CDH4: variants seen among roughly 807,000 people sequenced by gnomAD.
The protein encoded by CDH4 is cadherin 4.
Under a neutral mutation model 86.0 loss-of-function variants are expected in CDH4, and 33 were observed. The ratio of observed to expected loss-of-function variants is 0.38; its 90% CI spans 0.29 to 0.51. The LOEUF is 0.51. Among genes scored for constraint, CDH4 ranks in the 20% least tolerant of loss-of-function variants. The pLI, the probability that CDH4 is intolerant of heterozygous loss-of-function variation, is 0.86. For synonymous variants in CDH4, 555 were observed against 549.4 expected, an observed-to-expected ratio of 1.01 and a Z score of -0.14; for missense variants, 1,114 against 1,307.4, an observed-to-expected ratio of 0.85 and a Z score of 2.28.
At chr20:61,791,872 G>A (rs773789989) in intron 4 of CDH4, among the ~76,000 whole-genome samples, 1 of 152,084 alleles carries the variant, frequency 6.6e-6, no homozygotes, top group Non-Finnish European at 1.5e-5. Flanking sequence ...AGGTCTGTGC[G>A]GTGAAAATAT....
intron 2 of CDH4, among the ~76,000 whole-genome samples, chr20:61,585,478 C>T (rs73138622): frequency 0.027 from 4,116 of 152,292 alleles, 74 homozygotes; most frequent in Middle Eastern, 0.075. Context: ...TATTTTGTGC[C>T]ATTTCTGTCT....
chr20:61,682,417 TGGAA>T (rs915949185), intron 2 of CDH4, among the ~76,000 whole-genome samples: 1 of 96,878 alleles, frequency 1.0e-5, no homozygotes, highest in Non-Finnish European at 1.9e-5. Flanking sequence ...GAGGGACAGA[TGGAA>T]GGATGGATGG....
Position 61,272,084 on chromosome 20 carries a change from GAAGCCCCAAGAAGAGTTTTTTCA to G in CDH4, c.169+17148_169+17170del, listed in dbSNP as rs1231357996. Among the ~76,000 whole-genome samples, 3 of 152,272 alleles carry G rather than the reference GAAGCCCCAAGAAGAGTTTTTTCA, an allele frequency of 2.0e-5. No individual in the cohort carries two copies. The East Asian group carries it at 5.8e-4, about 29-fold the overall frequency. On this transcript the variant is annotated intron_variant, in intron 2 of 15. Transcript: ENST00000614565. ...AATGGCTTTTCCTCCTTTTACAAAA[GAAGCCCCAAGAAGAGTTTTTTCA>G]TGCCAGGCCTCCTCCTCCTCCTCTT...
Position 61,377,304 on chromosome 20 carries a change from C to T in CDH4, c.169+122367C>T, listed in dbSNP as rs1417544184. Reference sequence around the variant, plus strand: ...ACAGCATCATTTAGGTGACACAGCCCGGGACTCCTGGGCCCTGACGAATCC... The same window carrying T: ...ACAGCATCATTTAGGTGACACAGCCTGGGACTCCTGGGCCCTGACGAATCC... On this transcript the variant is annotated intron_variant, in intron 2 of 15. Transcript: ENST00000614565. This position sits in a 1 kb window ranked among gnomAD's most constrained non-coding sequence, Gnocchi z 4.0. 5.3e-5 allele frequency among the ~76,000 whole-genome samples: 8 copies of T among 152,134 alleles called. No homozygotes were observed. The highest frequency in any genetic ancestry group is 4.8e-5 in the African/African-American group (2 of 41,424).
At chr20:61,500,523 ACT>A (rs1358984980) in intron 2 of CDH4, among the ~76,000 whole-genome samples, 1 of 152,098 alleles carries the variant, frequency 6.6e-6, no homozygotes, top group Non-Finnish European at 1.5e-5. Context: ...CTGCAAAGAG[ACT>A]TGAGTAACCA....
At chr20:61,545,079 G>T (rs1004749150) in intron 2 of CDH4, among the ~76,000 whole-genome samples, 2 of 152,148 alleles carry the variant, frequency 1.3e-5, no homozygotes, top group Admixed American at 6.5e-5. Flanking sequence ...GGTCTGACGC[G>T]GAGACAGTGT....
intron 2 of CDH4, among the ~76,000 whole-genome samples, chr20:61,422,794 G>A (rs901528966): frequency 2.0e-5 from 3 of 152,180 alleles, no homozygotes; most frequent in Admixed American, 6.5e-5. Flanking sequence ...TCCTGGGCAT[G>A]TGGGTGTGTC....
intron 2 of CDH4, among the ~76,000 whole-genome samples, chr20:61,307,331 C>T (rs1372495467): frequency 6.6e-6 from 1 of 151,602 alleles, no homozygotes; most frequent in Non-Finnish European, 1.5e-5. Flanking sequence ...TCCAACACGC[C>T]TTGCATGTAT....
chr20:61,782,290 C>CA (rs1300441797), intron 4 of CDH4, among the ~76,000 whole-genome samples: 3 of 152,100 alleles, frequency 2.0e-5, no homozygotes, highest in Admixed American at 6.5e-5. Context: ...GCCTGGGTGA[C>CA]AGAGTGATAC....
chr20:61,756,735 G>T (rs1364658477), intron 3 of CDH4, among the ~76,000 whole-genome samples: 3 of 152,132 alleles, frequency 2.0e-5, no homozygotes, highest in Non-Finnish European at 2.9e-5. Flanking sequence ...TGGCTGGCCA[G>T]TTTCTGATCT....
At chr20:61,479,838 A>G (rs562375513) in intron 2 of CDH4, among the ~76,000 whole-genome samples, 28 of 152,242 alleles carry the variant, frequency 1.8e-4, no homozygotes, top group African/African-American at 6.3e-4. Context: ...GTAACAGGCT[A>G]CTCAGGGTCG....
intron 3 of CDH4, among the ~76,000 whole-genome samples, chr20:61,748,167 C>T (rs1470000236): frequency 6.6e-6 from 1 of 152,190 alleles, no homozygotes; most frequent in Non-Finnish European, 1.5e-5. Context: ...GAGTCTCGCT[C>T]TGTTGCCCAG....
chr20:61,463,479 A>G (rs2085456237), intron 2 of CDH4, among the ~76,000 whole-genome samples: 1 of 152,242 alleles, frequency 6.6e-6, no homozygotes, highest in African/African-American at 2.4e-5. Context: ...CAGCCTCAGG[A>G]GTGGACTCAG....
chr20:61,312,002 G>A (rs1176540069), intron 2 of CDH4, among the ~76,000 whole-genome samples: 1 of 152,198 alleles, frequency 6.6e-6, no homozygotes, highest in East Asian at 1.9e-4. Flanking sequence ...TGTAATGTGT[G>A]CATGTGTTGT....
At chr20:61,454,148 C>T (rs1378527294) in intron 2 of CDH4, among the ~76,000 whole-genome samples, 2 of 152,186 alleles carry the variant, frequency 1.3e-5, no homozygotes, top group African/African-American at 2.4e-5. Flanking sequence ...GATGAAATTC[C>T]GCAGCATGAG....
intron 3 of CDH4, among the ~76,000 whole-genome samples, chr20:61,772,306 A>G (rs2088784311): frequency 6.6e-6 from 1 of 152,034 alleles, no homozygotes; most frequent in Non-Finnish European, 1.5e-5. Flanking sequence ...GCCTCCACCC[A>G]CTGACTCACT....
chr20:61,843,093 G>A (rs1006076196), intron 4 of CDH4, among the ~76,000 whole-genome samples: 8 of 152,148 alleles, frequency 5.3e-5, no homozygotes, highest in African/African-American at 1.7e-4. Context: ...TAGTAAGGCC[G>A]AATGCGGTAG....
chr20:61,719,738 T>C (rs918055688), intron 2 of CDH4: 3 of 152,498 alleles, frequency 2.0e-5, no homozygotes, highest in African/African-American at 7.2e-5. Flanking sequence ...GTTAATATCA[T>C]ACGACAAGAT....
chr20:61,271,961 G>A (rs914784164), intron 2 of CDH4, among the ~76,000 whole-genome samples: 27 of 152,234 alleles, frequency 1.8e-4, no homozygotes, highest in Non-Finnish European at 2.4e-4. Flanking sequence ...GCAGGGAGCC[G>A]TGTGCATGGA....
Sources: allele counts gnomAD v4.1 joint callset (sites outside exome capture counted in the v4.1 genomes callset), GRCh38; gene constraint gnomAD v4.1.1; non-coding constraint Gnocchi (gnomAD v3.1); transcripts MANE v1.5; gene names NCBI Gene and HGNC (gene_info 2026-07-23, HGNC 2026-07-21).